The following TPGS2 variants were observed in gnomAD, a reference collection of about 807,000 sequenced individuals.
TPGS2 encodes polyglutamylase subunit 2.
In TPGS2, 26 loss-of-function variants were observed where a neutral mutation model predicts 31.1. The ratio of observed to expected loss-of-function variants is 0.84; its 90% CI spans 0.61 to 1.16. The LOEUF is 1.16. TPGS2 is among the 50% of genes most tolerant of loss of function. TPGS2 has a pLI of 0.00. For synonymous variants in TPGS2, 130 were observed against 136.6 expected (o/e 0.95, Z 0.34); for missense variants, 351 against 363.8 (o/e 0.96, Z 0.29).
chr18:36,796,847 A>C lies in TPGS2; in HGVS notation c.861T>G (p.Thr287=). Residue 287 remains threonine, a synonymous_variant, in exon 7 of 7, where the codon ACT becomes ACG. Coordinates refer to ENST00000334295, the MANE Select transcript of TPGS2 (RefSeq NM_015476.4). ...TTCCAGAGCCAGAGGAGGATTTAGA[A>C]GTGGAGGAAGTGGAGGGACCGGAGG... ...SGPSGPSTSS[T]SKSSSGSGNP... is the part of the protein sequence containing the mutation. 1 of 1,606,432 alleles carries C rather than the reference A, an allele frequency of 6.2e-7. No individual in the cohort carries two copies. Among genetic ancestry groups the C allele is most frequent in the Non-Finnish European group, 8.5e-7 (1 of 1,177,642 alleles).
In TPGS2 at chr18:36,823,457, C is replaced by CTTTT. The variant is rs1193182256; in HGVS notation, c.86-4485_86-4484insAAAA. 6.5e-5 allele frequency among the ~76,000 whole-genome samples: 7 copies of CTTTT among 107,084 alleles called. 1 individual carries two copies. Among genetic ancestry groups the CTTTT allele is most frequent in the African/African-American group, 3.5e-4 (7 of 20,130 alleles). 70.3% of individuals were successfully genotyped at this position (107,084 alleles called of 152,430 possible). ...ATCTCTCTGACTTCCTTGTTAACAG[C>CTTTT]TTGTTTTTTTTTTTTTTTTTTGAGA... On this transcript the variant is annotated intron_variant, in intron 1 of 6. Coordinates refer to ENST00000334295, the MANE Select transcript of TPGS2 (RefSeq NM_015476.4).
chr18:36,828,815 A>AC lies in TPGS2; in HGVS notation c.-49dup. ...GCGGCGGGAGCGGGTGGAGGGCCGG[A>AC]CCCCGCCTCAGCGCCGAGGCCAATT... is the stretch of plus-strand genomic sequence containing the variant. On this transcript the variant is annotated 5_prime_UTR_variant, in exon 1 of 7. Transcript: ENST00000334295. 1 of 1,595,782 alleles carries AC rather than the reference A, an allele frequency of 6.3e-7. No homozygotes were observed. The highest frequency in any genetic ancestry group is 8.6e-7 in the Non-Finnish European group (1 of 1,169,388).
intron 2 of TPGS2, among the ~76,000 whole-genome samples, chr18:36,810,160 C>T (rs2045353918): frequency 6.6e-6 from 1 of 152,072 alleles, no homozygotes; most frequent in South Asian, 2.1e-4. Flanking sequence ...GACCCTTCTG[C>T]CCCAAGCACC....
rs1278319627 is a variant in TPGS2, at chr18:36,796,637, C to T, written c.*168G>A. ...GGACAGCACAACCTGCTCTGGAGGC[C>T]TCACTACGAGCCTGGCTAATGTCGG... On this transcript the variant is annotated 3_prime_UTR_variant, in exon 7 of 7. Coordinates refer to ENST00000334295, the MANE Select transcript of TPGS2 (RefSeq NM_015476.4). 9.3e-6 allele frequency: 13 copies of T among 1,396,740 alleles called. No homozygotes were observed. In the East Asian group the frequency reaches 3.3e-4, roughly 36 times the overall value. The allele number at this position is 1,396,740 out of a possible 1,614,324, so 86.5% of individuals were successfully genotyped here. A position where few individuals can be genotyped will look rare whatever the true frequency, so the allele number is the denominator to read the frequency against.
At position 36,798,311 on chromosome 18, in the gene TPGS2, T is replaced by C. The variant is rs1568002508; in HGVS notation, c.657+138A>G. 4.0e-6 allele frequency: 6 copies of C among 1,507,348 alleles called. No homozygotes were observed. In the East Asian group the frequency reaches 9.1e-5, roughly 23 times the overall value. The allele number at this position is 1,507,348 out of a possible 1,614,324, so 93.4% of individuals were successfully genotyped here. A position where few individuals can be genotyped will look rare whatever the true frequency, so the allele number is the denominator to read the frequency against. On this transcript the variant is annotated intron_variant, in intron 6 of 6. Transcript: ENST00000334295. ...GTCCATTGGAATCATCTGTCTTGCT[T>C]ATTGAAAATGCAGGTTCCTGGGCCC...
At chr18:36,811,216 C>T (rs2045410589) in intron 2 of TPGS2, among the ~76,000 whole-genome samples, 1 of 152,180 alleles carries the variant, frequency 6.6e-6, no homozygotes, top group Admixed American at 6.5e-5. Context: ...GGAGGAAAAC[C>T]TGGATGAGCT....
At chr18:36,807,735 G>T in intron 3 of TPGS2, 112 bp downstream of exon 3, 1 of 888,312 alleles carries the variant, frequency 1.1e-6, no homozygotes, top group South Asian at 1.6e-5. Flanking sequence ...CACTTGAGGG[G>T]CACCCATGAA....
intron 6 of TPGS2, chr18:36,798,155 T>C: frequency 2.5e-6 from 3 of 1,195,422 alleles, no homozygotes; most frequent in Non-Finnish European, 3.1e-6. Context: ...TGGGTGCATG[T>C]ACTGCCAACC....
At chr18:36,780,439 A>G (rs2043980452), downstream of TPGS2, among the ~76,000 whole-genome samples, 1 of 152,236 alleles carries the variant, frequency 6.6e-6, no homozygotes, top group Admixed American at 6.5e-5. Context: ...CAAAAAATTT[A>G]CTAAATCACC....
Position 36,796,218 on chromosome 18 carries a change from C to G in TPGS2, c.*587G>C. 1.0e-6 allele frequency: 1 copy of G among 985,336 alleles called. No homozygotes were observed. Among genetic ancestry groups the G allele is most frequent in the African/African-American group, 1.7e-5 (1 of 57,324 alleles). The allele number at this position is 985,336 out of a possible 1,614,324, so 61.0% of individuals were successfully genotyped here. ...CATCCAATGAAGACATCAACATTAA[C>G]AACAAAAATTAATTGAGGAAGAGCA... On this transcript the variant is annotated 3_prime_UTR_variant, in exon 7 of 7. Transcript: ENST00000334295.
chr18:36,805,259 G>A lies in TPGS2; in HGVS notation c.382+115C>T, dbSNP rs1397680674. The stretch of plus-strand genomic sequence containing the variant: ...AATCCTCTTGATACTGAAATGTTGA[G>A]TGAGGTTTAATCTTTAACATTCATT... On this transcript the variant is annotated intron_variant, in intron 4 of 6. Coordinates refer to ENST00000334295, the MANE Select transcript of TPGS2 (RefSeq NM_015476.4). 10 of 1,220,758 alleles carry A rather than the reference G, an allele frequency of 8.2e-6. No individual in the cohort carries two copies. The Admixed American group carries it at 1.4e-4, about 17-fold the overall frequency. The allele number at this position is 1,220,758 out of a possible 1,614,324, so 75.6% of individuals were successfully genotyped here.
At position 36,828,775 on chromosome 18, in the gene TPGS2, G is replaced by T. The variant is rs2046326684; in HGVS notation, c.-8C>A. On this transcript the variant is annotated 5_prime_UTR_variant, in exon 1 of 7. Transcript: ENST00000334295. ...CGATGCCTCCTCCTCCATGGCTCGC[G>T]ACCGCGATTCGCGCGCGGCGGGAGC... 6.2e-7 allele frequency: 1 copy of T among 1,612,642 alleles called. No homozygotes were observed. The highest frequency in any genetic ancestry group is 8.5e-7 in the Non-Finnish European group (1 of 1,179,530).
intron 4 of TPGS2, among the ~76,000 whole-genome samples, chr18:36,804,514 T>C (rs1294450011): frequency 6.6e-6 from 1 of 152,196 alleles, no homozygotes; most frequent in African/African-American, 2.4e-5. Context: ...GGCCCATCAC[T>C]GTCTAGCCTC....
chr18:36,795,975 A>G lies in TPGS2; in HGVS notation c.*830T>C, dbSNP rs532186810. 453 of 985,488 alleles carry G rather than the reference A, an allele frequency of 4.6e-4. No homozygotes were observed. The highest frequency in any genetic ancestry group is 1.0e-3 in the Middle Eastern group (2 of 1,914). 61.0% of individuals were successfully genotyped at this position (985,488 alleles called of 1,614,324 possible). ...AATGGTAAGAATAAAGTATAGCAGA[A>G]GTACACCTTCTTTAAAAAGTTAATA... is the stretch of plus-strand genomic sequence containing the variant. On this transcript the variant is annotated 3_prime_UTR_variant, in exon 7 of 7. Coordinates refer to ENST00000334295, the MANE Select transcript of TPGS2 (RefSeq NM_015476.4).
chr18:36,785,024 G>A (rs889662811), intron 6 of TPGS2, among the ~76,000 whole-genome samples: 4 of 152,162 alleles, frequency 2.6e-5, no homozygotes, highest in Admixed American at 6.5e-5. Flanking sequence ...CTGGTCAGGC[G>A]TGGTGGCTCA....
Position 36,828,981 on chromosome 18 carries a change from C to T in TPGS2, c.-214G>A. ...CGCCCGGTGCCCCACACCGCACCTCCGGGACGTAGCTTCCCCTTCGCCCCC... is the reference window on the plus strand; with the variant it reads ...CGCCCGGTGCCCCACACCGCACCTCTGGGACGTAGCTTCCCCTTCGCCCCC... On this transcript the variant is annotated 5_prime_UTR_variant, in exon 1 of 7. Coordinates refer to ENST00000334295, the MANE Select transcript of TPGS2 (RefSeq NM_015476.4). 2 of 1,068,526 alleles carry T rather than the reference C, an allele frequency of 1.9e-6. No homozygotes were observed. Among genetic ancestry groups the T allele is most frequent in the Non-Finnish European group, 2.6e-6 (2 of 783,070 alleles). 66.2% of individuals were successfully genotyped at this position (1,068,526 alleles called of 1,614,324 possible).
At chr18:36,798,359 A>C in intron 6 of TPGS2, 90 bp downstream of exon 6, 1 of 1,585,796 alleles carries the variant, frequency 6.3e-7, no homozygotes, top group South Asian at 1.2e-5. Flanking sequence ...CCTGAATCAG[A>C]TAGGGAAGTT....
chr18:36,792,828 T>C (rs1205287271), downstream of TPGS2, among the ~76,000 whole-genome samples: 1 of 152,256 alleles, frequency 6.6e-6, no homozygotes, highest in South Asian at 2.1e-4. Flanking sequence ...CATGATGATG[T>C]AGCACTTTAT....
Position 36,796,910 on chromosome 18 carries a change from AG to A in TPGS2, c.797del (p.Pro266LeufsTer57). 1 of 1,610,592 alleles carries A rather than the reference AG, an allele frequency of 6.2e-7. No individual in the cohort carries two copies. Among genetic ancestry groups the A allele is most frequent in the Non-Finnish European group, 8.5e-7 (1 of 1,178,886 alleles). ...CTTTCTGGCCACCTGCAGGCTGCAC[AG>A]GCCCTTTCTTTTTTGGGATTACGAT... ...NKIVIPKKKGPVQPAGGQKGP... is the reference protein window; with the variant it reads ...NKIVIPKKKGXVQPAGGQKGP... On this transcript the variant is annotated frameshift_variant, in exon 7 of 7. Transcript: ENST00000334295. LOFTEE classifies it high-confidence loss of function.
Sources: gnomAD v4.1 joint callset for allele counts (sites outside exome capture counted in the v4.1 genomes callset) on GRCh38, gnomAD v4.1.1 for gene constraint, MANE v1.5 for transcripts, NCBI Gene and HGNC (gene_info 2026-07-23, HGNC 2026-07-21) for gene names.